The following WWOX variants were observed in gnomAD, a reference collection of about 807,000 sequenced individuals.
WWOX encodes the protein WW domain containing oxidoreductase.
Under a neutral mutation model 46.2 loss-of-function variants are expected in WWOX, and 69 were observed. That is an observed-to-expected ratio of 1.49 (90% confidence interval 1.23 to 1.82). The LOEUF (loss-of-function observed/expected upper bound fraction) is 1.82, where lower values mean the gene tolerates loss of function less well. WWOX is among the 40% of genes most tolerant of loss of function. The pLI, the probability that WWOX is intolerant of heterozygous loss-of-function variation, is 0.00. For synonymous variants in WWOX, 359 were observed against 202.6 expected (o/e 1.77, Z -6.56); for missense variants, 919 against 542.6 (o/e 1.69, Z -6.89).
At chr16:78,570,718 T>C (rs1273977771) in intron 8 of WWOX, among the ~76,000 whole-genome samples, 5 of 152,074 alleles carry the variant, frequency 3.3e-5, no homozygotes, top group Non-Finnish European at 5.9e-5. Flanking sequence ...AGTGTGCATT[T>C]CAGTGGGGGA....
At chr16:78,818,499 G>C (rs762899708) in intron 8 of WWOX, among the ~76,000 whole-genome samples, 3 of 152,214 alleles carry the variant, frequency 2.0e-5, no homozygotes, top group African/African-American at 4.8e-5. Context: ...GGGAGGCCAC[G>C]GCAAGAGGAT....
Position 78,934,423 on chromosome 16 carries a change from C to T in WWOX, c.1057-277185C>T, listed in dbSNP as rs1438748168. On this transcript the variant is annotated intron_variant, in intron 8 of 8. Coordinates refer to ENST00000566780, the MANE Select transcript of WWOX (RefSeq NM_016373.4). Reference sequence around the variant, plus strand: ...ACTTGGAAGGCTAAAGCAGGAGGATCACTTGAGTCCAGGAGGTCAAGGCTG... The same window carrying T: ...ACTTGGAAGGCTAAAGCAGGAGGATTACTTGAGTCCAGGAGGTCAAGGCTG... 3.5e-5 allele frequency among the ~76,000 whole-genome samples: 5 copies of T among 144,434 alleles called. No individual in the cohort carries two copies. The East Asian group carries it at 8.5e-4, about 24-fold the overall frequency. The allele number at this position is 144,434 out of a possible 152,430, so 94.8% of individuals were successfully genotyped here. A position where few individuals can be genotyped will look rare whatever the true frequency, so the allele number is the denominator to read the frequency against.
chr16:78,967,312 T>C (rs1324493109), intron 8 of WWOX, among the ~76,000 whole-genome samples: 22 of 82,944 alleles, frequency 2.7e-4, no homozygotes, highest in Non-Finnish European at 4.4e-4. Context: ...TTTTTTTTTT[T>C]TGAGACTCAC....
At chr16:79,024,485 G>T (rs1297957783) in intron 8 of WWOX, among the ~76,000 whole-genome samples, 2 of 152,048 alleles carry the variant, frequency 1.3e-5, no homozygotes, top group Non-Finnish European at 2.9e-5. Flanking sequence ...CCAGGCTGGA[G>T]TGCAGTGGTG....
chr16:78,675,831 A>G (rs1435971856), intron 8 of WWOX, among the ~76,000 whole-genome samples: 1 of 152,072 alleles, frequency 6.6e-6, no homozygotes, highest in African/African-American at 2.4e-5. Context: ...TTAAAAGAAA[A>G]TATATATATT....
chr16:78,304,663 A>G (rs2151869387), intron 5 of WWOX, among the ~76,000 whole-genome samples: 1 of 152,348 alleles, frequency 6.6e-6, no homozygotes, highest in South Asian at 2.1e-4. Context: ...TTATTCAAGC[A>G]TTCTTTGTTG....
chr16:78,540,219 C>A (rs768758947), intron 8 of WWOX, among the ~76,000 whole-genome samples: 1 of 151,208 alleles, frequency 6.6e-6, no homozygotes, highest in Non-Finnish European at 1.5e-5. Context: ...TGGGATTGAT[C>A]TCCTGCAGCA....
intron 5 of WWOX, among the ~76,000 whole-genome samples, chr16:78,240,969 A>G (rs778154720): frequency 6.6e-6 from 1 of 152,116 alleles, no homozygotes; most frequent in Non-Finnish European, 1.5e-5. Context: ...ACAACTTGCA[A>G]TTTGGGGATC....
At chr16:78,673,906 A>G (rs889140894) in intron 8 of WWOX, among the ~76,000 whole-genome samples, 15 of 152,192 alleles carry the variant, frequency 9.9e-5, no homozygotes, top group African/African-American at 3.6e-4. Flanking sequence ...GGAAATGTTT[A>G]ATTGGTTCAT....
chr16:78,411,484 G>C (rs988813876), intron 6 of WWOX, among the ~76,000 whole-genome samples: 1 of 152,142 alleles, frequency 6.6e-6, no homozygotes, highest in Non-Finnish European at 1.5e-5. Context: ...CAAGTGAGGG[G>C]CGTACTCATC....
intron 8 of WWOX, among the ~76,000 whole-genome samples, chr16:78,613,003 C>T (rs1401990495): frequency 6.6e-6 from 1 of 152,150 alleles, no homozygotes; most frequent in Non-Finnish European, 1.5e-5. Context: ...CCCTGTCCTT[C>T]TCAGAACACC....
At chr16:78,396,746 A>C (rs1031413519) in intron 6 of WWOX, among the ~76,000 whole-genome samples, 1 of 152,228 alleles carries the variant, frequency 6.6e-6, no homozygotes, top group African/African-American at 2.4e-5. Context: ...CATCAGCCAG[A>C]CAGTCTCTGC....
intron 8 of WWOX, among the ~76,000 whole-genome samples, chr16:78,931,772 C>T (rs575385973): frequency 1.1e-4 from 16 of 152,264 alleles, no homozygotes; most frequent in Admixed American, 9.2e-4. Flanking sequence ...TAGCAGTACC[C>T]ACTTGATATG....
intron 8 of WWOX, among the ~76,000 whole-genome samples, chr16:79,005,471 A>G (rs532519273): frequency 5.3e-5 from 8 of 152,140 alleles, no homozygotes; most frequent in African/African-American, 1.7e-4. Flanking sequence ...TGGAGGCTCA[A>G]ATTTGCAAGT....
intron 8 of WWOX, among the ~76,000 whole-genome samples, chr16:78,486,544 G>C (rs117900216): frequency 0.054 from 7,789 of 143,188 alleles, 256 homozygotes; most frequent in Non-Finnish European, 0.077. Flanking sequence ...TACTGGGTGT[G>C]TTTAATTGAC....
chr16:78,130,715 C>T (rs1277814448), intron 4 of WWOX, among the ~76,000 whole-genome samples: 3 of 152,222 alleles, frequency 2.0e-5, no homozygotes, highest in South Asian at 2.1e-4. Flanking sequence ...GCCACTGCCA[C>T]GCCCTTATTC....
At chr16:78,477,834 C>T (rs986413024) in intron 8 of WWOX, among the ~76,000 whole-genome samples, 2 of 152,006 alleles carry the variant, frequency 1.3e-5, no homozygotes, top group African/African-American at 2.4e-5. Flanking sequence ...TCCAAAAAAT[C>T]TGATTCTTTT....
intron 8 of WWOX, among the ~76,000 whole-genome samples, chr16:78,486,402 A>G (rs1457332488): frequency 6.6e-6 from 1 of 152,188 alleles, no homozygotes; most frequent in Non-Finnish European, 1.5e-5. Flanking sequence ...TACCTTTTTA[A>G]TATAGCTTAT....
At chr16:78,142,949 A>G (rs761772902) in intron 4 of WWOX, among the ~76,000 whole-genome samples, 4 of 152,252 alleles carry the variant, frequency 2.6e-5, no homozygotes, top group South Asian at 2.1e-4. Flanking sequence ...CAGAATCAAC[A>G]TATTAGTCAT....
Sources: allele counts gnomAD v4.1 joint callset (sites outside exome capture counted in the v4.1 genomes callset), GRCh38; gene constraint gnomAD v4.1.1; transcripts MANE v1.5; gene names NCBI Gene and HGNC (gene_info 2026-07-23, HGNC 2026-07-21).